DMD: variants seen among roughly 807,000 people sequenced by gnomAD.
DMD encodes the protein dystrophin.
In DMD, 63 loss-of-function variants were observed where a neutral mutation model predicts 330.1. That is an observed-to-expected ratio of 0.19 (90% confidence interval 0.16 to 0.24). DMD has a LOEUF of 0.24. Among genes scored for constraint, DMD ranks in the 10% least tolerant of loss-of-function variants. The pLI is 1.00. For missense variants in DMD, 3,344 were observed against 2,684.1 expected (o/e 1.25, Z -5.43); for synonymous variants, 1,223 against 959.8 (o/e 1.27, Z -5.07).
intron 13 of DMD, among the ~76,000 whole-genome samples, chrX:32,577,408 T>C (rs1004808171): frequency 6.2e-5 from 7 of 112,583 alleles, no homozygotes; most frequent in Non-Finnish European, 1.1e-4. Context: ...ACAATTAAGA[T>C]AGATGGATTC....
intron 59 of DMD, among the ~76,000 whole-genome samples, chrX:31,477,796 T>TACACAC (rs10597133): frequency 5.0e-5 from 5 of 99,321 alleles, no homozygotes; most frequent in African/African-American, 1.5e-4. Context: ...AATACACCAA[T>TACACAC]ACACACACAC....
intron 1 of DMD, among the ~76,000 whole-genome samples, chrX:33,072,660 A>G (rs2094777446): frequency 9.0e-6 from 1 of 111,528 alleles, no homozygotes; most frequent in South Asian, 3.7e-4. Flanking sequence ...AAGGCCTCCA[A>G]GGGTGAAATT....
chrX:33,022,778 A>C (rs1254589270), intron 1 of DMD, among the ~76,000 whole-genome samples: 1 of 111,627 alleles, frequency 9.0e-6, no homozygotes, highest in African/African-American at 3.2e-5. Flanking sequence ...TCTATCATTT[A>C]CATTATAATT....
intron 18 of DMD, among the ~76,000 whole-genome samples, chrX:32,513,992 G>A (rs1317976814): frequency 8.9e-6 from 1 of 111,784 alleles, no homozygotes; most frequent in Non-Finnish European, 1.9e-5. Context: ...GAGGGATTGA[G>A]TAAGATAAGG....
chrX:31,284,609 T>TCTTCTTCTTCTTC (rs1312014572), intron 62 of DMD, among the ~76,000 whole-genome samples: 2 of 104,088 alleles, frequency 1.9e-5, no homozygotes, highest in African/African-American at 7.4e-5. Flanking sequence ...CTTCTTCTTT[T>TCTTCTTCTTCTTC]TTTTGGCAGA....
In DMD at chrX:32,463,373, G is replaced by A; in HGVS notation, c.3432+66C>T. The A allele has an allele frequency of 2.9e-6, 3 of 1,052,421 alleles. No individual in the cohort carries two copies. In the South Asian group the frequency reaches 7.5e-5, roughly 26 times the overall value. The allele number at this position is 1,052,421 out of a possible 1,213,427, so 86.7% of individuals were successfully genotyped here. ...AGCCTTAACCAAAAGTAACGGTGAA[G>A]GGAGACATTAGGAAATCTTAGTTAA... On this transcript the variant is annotated intron_variant, in intron 25 of 78. Coordinates refer to ENST00000357033, the MANE Select transcript of DMD (RefSeq NM_004006.3).
At chrX:31,898,641 C>T (rs1193727106) in intron 47 of DMD, among the ~76,000 whole-genome samples, 4 of 111,715 alleles carry the variant, frequency 3.6e-5, no homozygotes, top group Admixed American at 2.8e-4. Flanking sequence ...AAGACTTAAA[C>T]GTTAGACCTA....
intron 4 of DMD, among the ~76,000 whole-genome samples, chrX:32,839,948 A>T (rs138193527): frequency 0.019 from 2,155 of 111,313 alleles, 42 homozygotes; most frequent in African/African-American, 0.067. Context: ...TGACATCATG[A>T]TCCACCCGCC....
chrX:32,342,556 T>C lies in DMD; in HGVS notation c.5740-274A>G, dbSNP rs776067148. Reference sequence around the variant, plus strand: ...CTTTCTTCTAAATTCCTCTGGTGTCTTGGGATTTGAAACAATTTGGAGTGA... The same window carrying C: ...CTTTCTTCTAAATTCCTCTGGTGTCCTGGGATTTGAAACAATTTGGAGTGA... On this transcript the variant is annotated intron_variant, in intron 40 of 78. Coordinates refer to ENST00000357033, the MANE Select transcript of DMD (RefSeq NM_004006.3). 11 of 349,099 alleles carry C rather than the reference T, an allele frequency of 3.2e-5. No individual in the cohort carries two copies. In the South Asian group the frequency reaches 4.9e-4, roughly 15 times the overall value. 28.8% of individuals were successfully genotyped at this position (349,099 alleles called of 1,213,427 possible). A position where few individuals can be genotyped will look rare whatever the true frequency, so the allele number is the denominator to read the frequency against.
At chrX:31,280,064 G>A (rs1201420493) in intron 62 of DMD, among the ~76,000 whole-genome samples, 2 of 111,983 alleles carry the variant, frequency 1.8e-5, no homozygotes, top group African/African-American at 3.2e-5. Context: ...TCCCAAGAAA[G>A]AACGTTAGAA....
In DMD at chrX:32,511,753, A is replaced by G. The variant is rs3805054; in HGVS notation, c.2292+6255T>C. 9.0e-3 allele frequency among the ~76,000 whole-genome samples: 995 copies of G among 110,745 alleles called. 20 individuals carry two copies. The highest frequency in any genetic ancestry group is 0.061 in the Admixed American group (629 of 10,337). The stretch of plus-strand genomic sequence containing the variant: ...GTGTTTTTCTATAGAGCTGTTTATC[A>G]TATATGTGTCTACATGCATATACAT... On this transcript the variant is annotated intron_variant, in intron 18 of 78. Transcript: ENST00000357033.
chrX:32,272,886 T>C (rs748595256), intron 43 of DMD, among the ~76,000 whole-genome samples: 2 of 111,384 alleles, frequency 1.8e-5, no homozygotes, highest in South Asian at 3.7e-4. Context: ...TTATAGTGGT[T>C]AGTCAGTGAA....
chrX:31,754,392 C>T (rs1045674610), intron 51 of DMD, among the ~76,000 whole-genome samples: 5 of 110,959 alleles, frequency 4.5e-5, no homozygotes, highest in Middle Eastern at 4.7e-3. Context: ...TTACAACACA[C>T]AATTCTCTTA....
chrX:32,678,809 A>T (rs1200573659), intron 9 of DMD, among the ~76,000 whole-genome samples: 1 of 111,909 alleles, frequency 8.9e-6, no homozygotes, highest in Non-Finnish European at 1.9e-5. Context: ...ACTCCTGTGA[A>T]TAATTCTAAT....
intron 1 of DMD, among the ~76,000 whole-genome samples, chrX:33,256,564 T>C (rs5972795): frequency 0.1 from 11,465 of 109,844 alleles, 664 homozygotes; most frequent in African/African-American, 0.23. Context: ...AAACTATACA[T>C]TAATCTTGAT....
At chrX:31,840,470 GATAT>G (rs1356151074) in intron 48 of DMD, among the ~76,000 whole-genome samples, 5 of 108,665 alleles carry the variant, frequency 4.6e-5, no homozygotes, top group African/African-American at 1.3e-4. Context: ...TGTGTGAGTG[GATAT>G]ATAGACACAT....
chrX:32,654,538 T>G (rs1190563742), intron 9 of DMD, among the ~76,000 whole-genome samples: 1 of 111,980 alleles, frequency 8.9e-6, no homozygotes, highest in East Asian at 2.8e-4. Context: ...GATGTGCTGC[T>G]GGATTCGGAT....
intron 63 of DMD, among the ~76,000 whole-genome samples, chrX:31,259,405 T>C (rs1180448270): frequency 8.9e-6 from 1 of 111,882 alleles, no homozygotes; most frequent in Non-Finnish European, 1.9e-5. Context: ...ATGAAGCCTT[T>C]TCATTCTCTC....
chrX:32,359,395 A>G (rs2097821865), intron 37 of DMD, among the ~76,000 whole-genome samples: 1 of 112,106 alleles, frequency 8.9e-6, no homozygotes, highest in African/African-American at 3.2e-5. Flanking sequence ...GATTACAAAG[A>G]GTCTATGACC....
Sources: allele counts gnomAD v4.1 joint callset (sites outside exome capture counted in the v4.1 genomes callset), GRCh38; gene constraint gnomAD v4.1.1; transcripts MANE v1.5; gene names NCBI Gene and HGNC (gene_info 2026-07-23, HGNC 2026-07-21).